MAPK6: variants seen among roughly 807,000 people sequenced by gnomAD.
The protein encoded by MAPK6 is ERK-3.
A neutral mutation model predicts 59.3 loss-of-function variants in MAPK6; 19 were observed. The observed-to-expected ratio is 0.32, with a 90% CI of 0.22 to 0.47. The LOEUF is 0.47. Among genes scored for constraint, MAPK6 ranks in the 20% least tolerant of loss-of-function variants. The probability of loss-of-function intolerance (pLI) is 1.00; values close to 1 mark genes in which losing one functional copy is unlikely to be tolerated. For synonymous variants in MAPK6, 316 were observed against 290.3 expected (o/e 1.09, Z -0.90); for missense variants, 724 against 847.9 (o/e 0.85, Z 1.81).
Position 52,002,305 on chromosome 15 carries a change from C to T in MAPK6, c.-769-1960C>T, listed in dbSNP as rs551294390. Among the ~76,000 whole-genome samples, 10 of 152,262 alleles carry T rather than the reference C, an allele frequency of 6.6e-5. No homozygotes were observed. The East Asian group carries it at 1.2e-3, about 18-fold the overall frequency. On this transcript the variant is annotated intron_variant, in intron 2 of 7. Transcript: ENST00000691380. ...ACTAGTGAAAGTTTTAGTACCTGGC[C>T]GCCACCTTCTGCCAGGGGTTATCTG... is the stretch of plus-strand genomic sequence containing the variant.
At chr15:52,033,572 T>A (rs1488362299) in intron 1 of MAPK6, 1 of 152,246 alleles carries the variant, frequency 6.6e-6, no homozygotes, top group East Asian at 1.9e-4. Flanking sequence ...AAGGCTGCAC[T>A]GTTAGCCTCC....
Position 52,058,783 on chromosome 15 carries a change from G to A in MAPK6, c.851G>A (p.Gly284Glu). ...PHKPLTQLLPGISREALDFLE... is the reference protein window; with the variant it reads ...PHKPLTQLLPEISREALDFLE... Reference sequence around the variant, plus strand: ...AAACCTTTAACTCAGCTGCTTCCAGGAATTAGTCGAGAAGGTATTGTGACT... The same window carrying A: ...AAACCTTTAACTCAGCTGCTTCCAGAAATTAGTCGAGAAGGTATTGTGACT... Residue 284 changes from glycine (G) to glutamate (E), a missense_variant, in exon 4 of 6, where the codon GGA (glycine) becomes GAA (glutamate). Gly to Glu is a moderately conservative substitution (Grantham distance 98). Coordinates refer to ENST00000261845, the MANE Select transcript of MAPK6 (RefSeq NM_002748.4). 6.2e-7 allele frequency: 1 copy of A among 1,611,384 alleles called. No homozygotes were observed. Among genetic ancestry groups the A allele is most frequent in the Non-Finnish European group, 8.5e-7 (1 of 1,178,552 alleles).
chr15:52,034,367 A>G (rs78815828), intron 1 of MAPK6, among the ~76,000 whole-genome samples: 8,565 of 144,770 alleles, frequency 0.059, 481 homozygotes, highest in African/African-American at 0.14. Context: ...ATACTGGAGC[A>G]CGATGGCTGA....
At chr15:51,993,794 T>G (rs2141818694) in intron 2 of MAPK6, among the ~76,000 whole-genome samples, 1 of 151,224 alleles carries the variant, frequency 6.6e-6, no homozygotes, top group Non-Finnish European at 1.5e-5. Context: ...TTCTTTTCTT[T>G]TTTCTTTCTT....
intron 2 of MAPK6, among the ~76,000 whole-genome samples, chr15:52,047,937 C>T (rs1005211274): frequency 6.6e-6 from 1 of 152,076 alleles, no homozygotes; most frequent in African/African-American, 2.4e-5. Context: ...TAGCAAATTG[C>T]CTTCATACAA....
Position 52,066,014 on chromosome 15 carries a change from G to A in MAPK6, c.*1014G>A, listed in dbSNP as rs899252863. 3 of 152,564 alleles carry A rather than the reference G, an allele frequency of 2.0e-5. No individual in the cohort carries two copies. Among genetic ancestry groups the A allele is most frequent in the Admixed American group, 6.5e-5 (1 of 15,276 alleles). 9.5% of individuals were successfully genotyped at this position (152,564 alleles called of 1,614,324 possible). A position where few individuals can be genotyped will look rare whatever the true frequency, so the allele number is the denominator to read the frequency against. On this transcript the variant is annotated 3_prime_UTR_variant, in exon 6 of 6. Transcript: ENST00000261845. ...AAATGTTAGACTTGTGTGCATGGAA[G>A]TAATTAAGGTACATCATTATTGTAG...
chr15:52,061,333 C>T lies in MAPK6; in HGVS notation c.900C>T (p.Ser300=), dbSNP rs1472914687. The T allele has an allele frequency of 6.2e-7, 1 of 1,614,088 alleles. No individual in the cohort carries two copies. Among genetic ancestry groups the T allele is most frequent in the South Asian group, 1.1e-5 (1 of 91,090 alleles). Residue 300 remains serine (S), a synonymous_variant, in exon 5 of 6, where the codon AGC becomes AGT. Coordinates refer to ENST00000261845, the MANE Select transcript of MAPK6 (RefSeq NM_002748.4). The part of the protein sequence containing the change: ...LDFLEQILTF[S]PMDRLTAEEA... Reference sequence around the variant, plus strand: ...TCCTGGAACAAATTTTGACATTTAGCCCCATGGATCGGTTAACAGCAGAAG... The same window carrying T: ...TCCTGGAACAAATTTTGACATTTAGTCCCATGGATCGGTTAACAGCAGAAG...
In MAPK6 at chr15:51,980,234, G is replaced by A. The variant is rs376474217; in HGVS notation, c.-879-2972G>A. Among the ~76,000 whole-genome samples the A allele has an allele frequency of 6.9e-4, 103 of 149,892 alleles. 1 individual carries two copies. The highest frequency in any genetic ancestry group is 2.4e-3 in the African/African-American group (99 of 40,904). On this transcript the variant is annotated intron_variant, in intron 1 of 7. Coordinates refer to the MAPK6 transcript ENST00000691380. ...CACTTGAACCTGGGAGGCAGATGTT[G>A]TGGTGAGCCGAGACCACTCCATTGC...
intron 3 of MAPK6, among the ~76,000 whole-genome samples, chr15:52,054,891 G>A (rs2031914327): frequency 6.6e-6 from 1 of 152,020 alleles, no homozygotes; most frequent in African/African-American, 2.4e-5. Context: ...AGGTTCAAGC[G>A]ACTCTCCTGC....
intron 2 of MAPK6, among the ~76,000 whole-genome samples, chr15:51,999,178 A>C (rs926621142): frequency 6.6e-6 from 1 of 150,890 alleles, no homozygotes; most frequent in African/African-American, 2.4e-5. Context: ...TTGTGTTTTT[A>C]GTAGAGACAG....
At chr15:52,030,221 C>G (rs2030974572) in intron 1 of MAPK6, among the ~76,000 whole-genome samples, 1 of 152,210 alleles carries the variant, frequency 6.6e-6, no homozygotes, top group Non-Finnish European at 1.5e-5. Flanking sequence ...GGGCCATTTC[C>G]CAGCTACTAG....
chr15:52,061,486 T>A lies in MAPK6; in HGVS notation c.1053T>A (p.Ile351=), dbSNP rs1378114824. ...ILLMDETHSH[I]YNWERYHDCQ... is the part of the protein sequence containing the mutation. ...TTATGGATGAAACTCACAGTCACAT[T>A]TATAACTGGGAAAGGTAAATTGATC... Residue 351 remains isoleucine, a synonymous_variant, in exon 5 of 6, where the codon ATT becomes ATA. Transcript: ENST00000261845. 2 of 1,610,908 alleles carry A rather than the reference T, an allele frequency of 1.2e-6. No individual in the cohort carries two copies. Among genetic ancestry groups the A allele is most frequent in the East Asian group, 2.2e-5 (1 of 44,840 alleles).
chr15:51,981,910 G>GA (rs886317105), intron 1 of MAPK6, among the ~76,000 whole-genome samples: 5 of 152,028 alleles, frequency 3.3e-5, no homozygotes, highest in African/African-American at 4.8e-5. Context: ...AGAAAGGACG[G>GA]AAAAAAATAG....
At chr15:52,002,994 CT>C (rs2057246793) in intron 2 of MAPK6, among the ~76,000 whole-genome samples, 1 of 152,138 alleles carries the variant, frequency 6.6e-6, no homozygotes, top group African/African-American at 2.4e-5. Flanking sequence ...TGAGACCAAC[CT>C]GACCAACATG....
chr15:52,050,278 T>TA (rs907908006), intron 3 of MAPK6, 141 bp downstream of exon 3: 30 of 754,136 alleles, frequency 4.0e-5, no homozygotes, highest in South Asian at 7.7e-5. Context: ...GCGTTTTTAA[T>TA]AAAAAAATTG....
rs565359392 is a variant in MAPK6 at position 51,982,377 on chromosome 15, C to T, written c.-879-829C>T. On this transcript the variant is annotated intron_variant, in intron 1 of 7. Coordinates refer to the MAPK6 transcript ENST00000691380. ...AGAGGAGATAATGCTGAATTTCATG[C>T]TTGCAATGGCAAAAAAGCATTGCAG... Among the ~76,000 whole-genome samples, 13 of 152,282 alleles carry T rather than the reference C, an allele frequency of 8.5e-5. No homozygotes were observed. In the Middle Eastern group the frequency reaches 0.01, roughly 120 times the overall value.
chr15:52,012,864 G>C (rs993571063), intron 3 of MAPK6, among the ~76,000 whole-genome samples: 1 of 150,976 alleles, frequency 6.6e-6, no homozygotes, highest in African/African-American at 2.4e-5. Context: ...GTGGGTGCCT[G>C]TAGTCCCAGC....
intron 1 of MAPK6, chr15:52,021,661 A>AG (rs1250983086): frequency 6.6e-6 from 1 of 152,188 alleles, no homozygotes; most frequent in Non-Finnish European, 1.5e-5. Context: ...TTGTTTATAA[A>AG]GGACAGATAG....
rs191927942 is a variant in MAPK6, at chr15:52,011,951, C to T, written c.-632+7549C>T. 2.6e-3 allele frequency among the ~76,000 whole-genome samples: 392 copies of T among 152,346 alleles called. 5 individuals carry two copies. The highest frequency in any genetic ancestry group is 2.5e-3 in the Non-Finnish European group (168 of 68,034). On this transcript the variant is annotated intron_variant, in intron 3 of 7. Coordinates refer to the MAPK6 transcript ENST00000691380. Reference sequence around the variant, plus strand: ...TCAGCTGGCTGTAGGCCCCTCCTCTCCTCTGCAGTTCCTTTTAGACCCTCC... The same window carrying T: ...TCAGCTGGCTGTAGGCCCCTCCTCTTCTCTGCAGTTCCTTTTAGACCCTCC...
Sources: allele counts gnomAD v4.1 joint callset (sites outside exome capture counted in the v4.1 genomes callset), GRCh38; gene constraint gnomAD v4.1.1; transcripts MANE v1.5; gene names NCBI Gene and HGNC (gene_info 2026-07-23, HGNC 2026-07-21).